CA2: variants seen among roughly 807,000 people sequenced by gnomAD.
CA2 encodes carbonate dehydratase II.
A neutral mutation model predicts 27.8 loss-of-function variants in CA2; 23 were observed. The observed-to-expected ratio is 0.83, with a 90% CI of 0.59 to 1.17. The LOEUF is 1.17. CA2 is among the 50% of genes most tolerant of loss of function. The pLI is 0.00. For synonymous variants in CA2, 99 were observed against 114.9 expected (o/e 0.86, Z 0.88); for missense variants, 300 against 314.7 (o/e 0.95, Z 0.35).
intron 2 of CA2, among the ~76,000 whole-genome samples, chr8:85,469,139 C>T (rs1395493302): frequency 3.3e-5 from 5 of 152,090 alleles, no homozygotes; most frequent in Admixed American, 3.3e-4. Flanking sequence ...ATTTTAGTCA[C>T]TTAATTTTAA....
At chr8:85,477,073 A>G in intron 5 of CA2, 47 bp from the exon 6 acceptor site, 1 of 1,601,796 alleles carries the variant, frequency 6.2e-7, no homozygotes. Flanking sequence ...CCTTCCTCCT[A>G]CTCTGTCAAT....
chr8:85,477,312 G>A lies in CA2; in HGVS notation c.663+37G>A, dbSNP rs374322583. 60 of 1,613,266 alleles carry A rather than the reference G, an allele frequency of 3.7e-5. No homozygotes were observed. In the African/African-American group the frequency reaches 7.6e-4, roughly 20 times the overall value. On this transcript the variant is annotated intron_variant, in intron 6 of 6. Transcript: ENST00000285379. Reference sequence around the variant, plus strand: ...AATGACAGGTCTGTTTACGGGTGGAGCATTTAGTCAAGGCAGAAGACCTTG... The same window carrying A: ...AATGACAGGTCTGTTTACGGGTGGAACATTTAGTCAAGGCAGAAGACCTTG...
rs1332049186 is a variant in CA2, at chr8:85,481,438, A to G, written c.*649A>G. The G allele has an allele frequency of 6.6e-6, 1 of 152,410 alleles. No individual in the cohort carries two copies. The highest frequency in any genetic ancestry group is 1.9e-4 in the East Asian group (1 of 5,194). The allele number at this position is 152,410 out of a possible 1,614,324, so 9.4% of individuals were successfully genotyped here. On this transcript the variant is annotated 3_prime_UTR_variant, in exon 7 of 7. Transcript: ENST00000285379. ...TATATTTCCATTCAGACAATATATC[A>G]TAACTTAATAAATATTGTATTTTAG...
Position 85,464,062 on chromosome 8 carries a change from C to T in CA2, c.-20C>T, listed in dbSNP as rs1811575994. The T allele has an allele frequency of 1.3e-6, 2 of 1,545,902 alleles. No homozygotes were observed. Among genetic ancestry groups the T allele is most frequent in the Non-Finnish European group, 1.7e-6 (2 of 1,148,546 alleles). Reference sequence around the variant, plus strand: ...CAGATCGGTGCCGATTCCTGCCCTGCCCCGACCGCCAGCGCGACCATGTCC... The same window carrying T: ...CAGATCGGTGCCGATTCCTGCCCTGTCCCGACCGCCAGCGCGACCATGTCC... On this transcript the variant is annotated 5_prime_UTR_variant, in exon 1 of 7. Transcript: ENST00000285379.
At chr8:85,469,656 A>G (rs2130551297) in intron 2 of CA2, among the ~76,000 whole-genome samples, 1 of 152,282 alleles carries the variant, frequency 6.6e-6, no homozygotes, top group Non-Finnish European at 1.5e-5. Flanking sequence ...CTGCTAACTT[A>G]TTAACTTTTA....
chr8:85,476,479 C>G (rs1811800301), intron 5 of CA2, among the ~76,000 whole-genome samples: 1 of 152,224 alleles, frequency 6.6e-6, no homozygotes, highest in African/African-American at 2.4e-5. Context: ...TGCTCACTCA[C>G]TGGCTTGAGC....
At chr8:85,478,382 A>G (rs1039269808) in intron 6 of CA2, among the ~76,000 whole-genome samples, 2 of 152,224 alleles carry the variant, frequency 1.3e-5, no homozygotes, top group African/African-American at 2.4e-5. Context: ...TGTAGTAATA[A>G]CATATTTGAG....
chr8:85,467,557 G>GAATA, intron 2 of CA2, among the ~76,000 whole-genome samples: 1 of 152,254 alleles, frequency 6.6e-6, no homozygotes, highest in East Asian at 1.9e-4. Flanking sequence ...TAAGATTTCT[G>GAATA]AATAAACTTT....
chr8:85,473,385 C>G (rs1811737867), intron 2 of CA2: 1 of 491,246 alleles, frequency 2.0e-6, no homozygotes, highest in African/African-American at 1.9e-5. Context: ...TAAAACAAAC[C>G]CAGAAAAAGG....
intron 3 of CA2, 30 bp downstream of exon 3, chr8:85,473,841 G>A (rs751030020): frequency 3.3e-6 from 4 of 1,208,130 alleles, no homozygotes; most frequent in Non-Finnish European, 4.9e-6. Flanking sequence ...TTCTTTCCAG[G>A]GAAAAATGTT....
In CA2 at chr8:85,470,653, A is replaced by G. The variant is rs577075059; in HGVS notation, c.233-3040A>G. ...TTTTTCTCAAAAAGTAATTTATATA[A>G]TTTCCTCAAATAATATGTATAGGAA... On this transcript the variant is annotated intron_variant, in intron 2 of 6. Transcript: ENST00000285379. 4.6e-5 allele frequency among the ~76,000 whole-genome samples: 7 copies of G among 152,246 alleles called. No individual in the cohort carries two copies. The South Asian group carries it at 1.4e-3, about 32-fold the overall frequency.
chr8:85,479,581 T>G (rs1477147152), intron 6 of CA2, among the ~76,000 whole-genome samples: 1 of 152,054 alleles, frequency 6.6e-6, no homozygotes, highest in Admixed American at 6.6e-5. Flanking sequence ...AGTAGCACTT[T>G]TTGAGAACCT....
At chr8:85,473,904 C>A in intron 3 of CA2, 93 bp downstream of exon 3, 1 of 816,792 alleles carries the variant, frequency 1.2e-6, no homozygotes, top group Non-Finnish European at 2.2e-6. Context: ...AAATTCAACT[C>A]ACGCCCAGTG....
At chr8:85,477,082 A>T (rs560101004) in intron 5 of CA2, 38 bp from the exon 6 acceptor site, 5 of 1,610,808 alleles carry the variant, frequency 3.1e-6, no homozygotes, top group Non-Finnish European at 4.2e-6. Context: ...TACTCTGTCA[A>T]TGTGATAGTT....
At chr8:85,479,031 A>C (rs1218576151) in intron 6 of CA2, among the ~76,000 whole-genome samples, 1 of 152,188 alleles carries the variant, frequency 6.6e-6, no homozygotes, top group Non-Finnish European at 1.5e-5. Context: ...GAATGTGATC[A>C]TCACAGTCAG....
intron 2 of CA2, among the ~76,000 whole-genome samples, chr8:85,471,195 T>C (rs1586013731): frequency 1.3e-5 from 2 of 152,122 alleles, no homozygotes; most frequent in Non-Finnish European, 2.9e-5. Flanking sequence ...CTAAACTCCA[T>C]GCTAAGAGTT....
rs774046204 is a variant in CA2 at position 85,465,275 on chromosome 8, C to T, written c.38C>T (p.Pro13Leu). 6.2e-7 allele frequency: 1 copy of T among 1,613,694 alleles called. No individual in the cohort carries two copies. The highest frequency in any genetic ancestry group is 1.1e-5 in the South Asian group (1 of 91,070). ...TCACATGTCTTCTTTCCCCCAGGAC[C>T]TGAGCACTGGCATAAGGACTTCCCC... Reference protein sequence around the residue: ...HHWGYGKHNGPEHWHKDFPIA... With the variant: ...HHWGYGKHNGLEHWHKDFPIA... Residue 13 changes from proline (P) to leucine (L), a missense_variant, in exon 2 of 7, where the codon CCT becomes CTT. This residue lies in a region of CA2 where 122 missense variants were observed against 133.2 expected (regional missense o/e 0.92). Coordinates refer to ENST00000285379, the MANE Select transcript of CA2 (RefSeq NM_000067.3).
intron 6 of CA2, among the ~76,000 whole-genome samples, chr8:85,477,728 C>T (rs1361548738): frequency 6.6e-6 from 1 of 152,126 alleles, no homozygotes; most frequent in Non-Finnish European, 1.5e-5. Flanking sequence ...CCTTGGAGAA[C>T]ATGTATCTAT....
chr8:85,469,698 C>T (rs1811686468), intron 2 of CA2, among the ~76,000 whole-genome samples: 1 of 152,150 alleles, frequency 6.6e-6, no homozygotes, highest in African/African-American at 2.4e-5. Context: ...TGCTTTATTG[C>T]AAAGTTAGGG....
Sources: gnomAD v4.1 joint callset for allele counts (sites outside exome capture counted in the v4.1 genomes callset) on GRCh38, gnomAD v4.1.1 for gene constraint, gnomAD v4.1.1 regional missense constraint, MANE v1.5 for transcripts, NCBI Gene and HGNC (gene_info 2026-07-23, HGNC 2026-07-21) for gene names.